NCOA6: variants seen among roughly 807,000 people sequenced by gnomAD.
The protein encoded by NCOA6 is NRC RAP250.
A neutral mutation model predicts 171.4 loss-of-function variants in NCOA6; 49 were observed. That is an observed-to-expected ratio of 0.29 (90% CI 0.23 to 0.36). The LOEUF is 0.36. NCOA6 is among the 10% of genes least tolerant of loss of function. The pLI, the probability that NCOA6 is intolerant of heterozygous loss-of-function variation, is 1.00. For synonymous variants in NCOA6, 910 were observed against 927.5 expected (o/e 0.98, Z 0.34); for missense variants, 2,248 against 2,554.5 (o/e 0.88, Z 2.59).
At chr20:34,734,806 C>T (rs997297703) in intron 12 of NCOA6, among the ~76,000 whole-genome samples, 2 of 152,094 alleles carry the variant, frequency 1.3e-5, no homozygotes, top group African/African-American at 4.8e-5. Context: ...GCATGTGCCA[C>T]GACAGCCAGC....
At chr20:34,823,360 GA>G (rs1043775472) in intron 1 of NCOA6, among the ~76,000 whole-genome samples, 3 of 149,942 alleles carry the variant, frequency 2.0e-5, no homozygotes, top group Admixed American at 1.3e-4. Flanking sequence ...TCTACAAACA[GA>G]AAAAAAAGAA....
At chr20:34,803,770 C>A (rs1399309229) in intron 1 of NCOA6, among the ~76,000 whole-genome samples, 1 of 151,562 alleles carries the variant, frequency 6.6e-6, no homozygotes, top group Admixed American at 6.6e-5. Flanking sequence ...CTGAGGCAGG[C>A]GGATCACTTG....
At chr20:34,715,474 AG>A in intron 14 of NCOA6, 109 bp from the exon 15 acceptor site, 1 of 792,610 alleles carries the variant, frequency 1.3e-6, no homozygotes, top group Non-Finnish European at 2.2e-6. Flanking sequence ...TACTCAACTC[AG>A]AATCTGTCTA....
chr20:34,740,178 T>C (rs2076088065), intron 11 of NCOA6, among the ~76,000 whole-genome samples, 185 bp downstream of exon 11: 2 of 152,222 alleles, frequency 1.3e-5, no homozygotes. Context: ...CTCTCTTTAA[T>C]GAATGCAAAC....
intron 14 of NCOA6, among the ~76,000 whole-genome samples, chr20:34,723,833 T>C (rs1181492401): frequency 6.6e-6 from 1 of 152,184 alleles, no homozygotes; most frequent in Non-Finnish European, 1.5e-5. Flanking sequence ...TGGTGCCCTG[T>C]AAATAACCCT....
Position 34,749,390 on chromosome 20 carries a change from C to T in NCOA6, c.2792+13G>A. On this transcript the variant is annotated intron_variant, in intron 9 of 14. Transcript: ENST00000359003. ...AAATGAATAAAATTTGAGGCAAAAC[C>T]ATCACAACCTACTTTAGATCTTGCT... 6.4e-7 allele frequency: 1 copy of T among 1,570,564 alleles called. No individual in the cohort carries two copies. The highest frequency in any genetic ancestry group is 1.9e-5 in the Admixed American group (1 of 51,766).
At chr20:34,719,526 G>A (rs1015725030) in intron 14 of NCOA6, among the ~76,000 whole-genome samples, 6 of 152,010 alleles carry the variant, frequency 3.9e-5, no homozygotes, top group South Asian at 2.1e-4. Context: ...AGCTATTCGG[G>A]AGGCTGAGCC....
intron 2 of NCOA6, among the ~76,000 whole-genome samples, chr20:34,785,530 G>C (rs2077649278): frequency 6.6e-6 from 1 of 150,818 alleles, no homozygotes; most frequent in African/African-American, 2.4e-5. Context: ...GCATTTTACA[G>C]ATTTTTAATA....
intron 1 of NCOA6, chr20:34,820,048 C>T (rs2078959807): frequency 6.6e-6 from 1 of 152,114 alleles, no homozygotes. Context: ...GAATCCATTC[C>T]AGATACATTA....
Position 34,750,417 on chromosome 20 carries a change from T to C in NCOA6, c.1778A>G (p.Asn593Ser), listed in dbSNP as rs1447434954. The C allele has an allele frequency of 6.8e-6, 11 of 1,613,960 alleles. No individual in the cohort carries two copies. The Admixed American group carries it at 1.0e-4, about 15-fold the overall frequency. Residue 593 changes from asparagine (N) to serine (S), a missense_variant, in exon 9 of 15, where the codon AAT becomes AGT. Transcript: ENST00000359003. Reference sequence around the variant, plus strand: ...AACCCCAGAAGTACCAGCCTGCTGATTGTTCATGTTGCCATGAATTCCCAT... The same window carrying C: ...AACCCCAGAAGTACCAGCCTGCTGACTGTTCATGTTGCCATGAATTCCCAT... ...SLMGIHGNMNNQQAGTSGVPQ... is the reference protein window; with the variant it reads ...SLMGIHGNMNSQQAGTSGVPQ...
chr20:34,818,790 A>T (rs1412622895), intron 1 of NCOA6, among the ~76,000 whole-genome samples: 1 of 152,244 alleles, frequency 6.6e-6, no homozygotes, highest in Non-Finnish European at 1.5e-5. Context: ...AGTTCTAGCC[A>T]GTTTCCAGAA....
chr20:34,778,053 T>C (rs928345567), intron 3 of NCOA6, among the ~76,000 whole-genome samples: 4 of 151,990 alleles, frequency 2.6e-5, no homozygotes, highest in African/African-American at 9.7e-5. Context: ...TACAGGTGCA[T>C]GCCACCACGC....
intron 1 of NCOA6, among the ~76,000 whole-genome samples, chr20:34,815,860 T>A: frequency 6.6e-6 from 1 of 152,206 alleles, no homozygotes; most frequent in East Asian, 1.9e-4. Flanking sequence ...ACAGGGTGTT[T>A]ACTTATCCAT....
chr20:34,786,252 C>T lies in NCOA6; in HGVS notation c.-49-3848G>A, dbSNP rs143707095. Among the ~76,000 whole-genome samples, 162 of 152,186 alleles carry T rather than the reference C, an allele frequency of 1.1e-3. 2 individuals are homozygous for T. The highest frequency in any genetic ancestry group is 6.3e-3 in the Admixed American group (96 of 15,268). On this transcript the variant is annotated intron_variant, in intron 2 of 14. Transcript: ENST00000359003. ...TTTTCTTCTTTATTAGACCTGCTAG[C>T]GATCTATTATAGCTAGTGATCTATC...
chr20:34,777,048 C>T (rs1292058917), intron 3 of NCOA6, among the ~76,000 whole-genome samples: 3 of 132,850 alleles, frequency 2.3e-5, no homozygotes, highest in Admixed American at 8.8e-5. Context: ...ACCCGGGAGG[C>T]AGAGGTTGTG....
chr20:34,743,474 TG>T, intron 10 of NCOA6, 133 bp from the exon 11 acceptor site: 2 of 891,812 alleles, frequency 2.2e-6, no homozygotes, highest in Non-Finnish European at 3.4e-6. Context: ...TGCCCACTCC[TG>T]GGGCAGGGGG....
intron 1 of NCOA6, among the ~76,000 whole-genome samples, chr20:34,792,954 AT>A (rs1470464067): frequency 1.3e-5 from 2 of 150,674 alleles, no homozygotes; most frequent in African/African-American, 4.9e-5. Context: ...ATTTTTTTGT[AT>A]TTTTTTTGGT....
At chr20:34,740,218 A>T in intron 11 of NCOA6, 145 bp downstream of exon 11, 1 of 1,159,146 alleles carries the variant, frequency 8.6e-7, no homozygotes, top group South Asian at 1.7e-5. Context: ...CATATTTTCC[A>T]ACGTACTTTC....
At chr20:34,716,358 A>G (rs1988599097) in intron 14 of NCOA6, among the ~76,000 whole-genome samples, 1 of 152,248 alleles carries the variant, frequency 6.6e-6, no homozygotes, top group African/African-American at 2.4e-5. Flanking sequence ...ACAGAATGAC[A>G]GTGACATACA....
Sources: gnomAD v4.1 joint callset for allele counts (sites outside exome capture counted in the v4.1 genomes callset) on GRCh38, gnomAD v4.1.1 for gene constraint, MANE v1.5 for transcripts, NCBI Gene and HGNC (gene_info 2026-07-23, HGNC 2026-07-21) for gene names.